HSF2: variants seen among roughly 807,000 people sequenced by gnomAD.
The protein encoded by HSF2 is heat shock transcription factor 2, also known as heat shock factor protein 2.
Under a neutral mutation model 65.0 loss-of-function variants are expected in HSF2, and 21 were observed. That is an observed-to-expected ratio of 0.32 (90% CI 0.23 to 0.47). HSF2 has a LOEUF of 0.47. HSF2 is among the 20% of genes least tolerant of loss of function. The pLI is 1.00. For missense variants in HSF2, 499 were observed against 628.1 expected (o/e 0.79, Z 2.20); for synonymous variants, 225 against 219.1 (o/e 1.03, Z -0.24).
chr6:122,408,083 T>C (rs556675), intron 1 of HSF2, among the ~76,000 whole-genome samples: 106,555 of 151,804 alleles, frequency 0.7, 37,523 homozygotes, highest in South Asian at 0.77. Context: ...TCCCAAAGGC[T>C]CTAACTCCAA....
intron 1 of HSF2, among the ~76,000 whole-genome samples, chr6:122,407,208 T>C (rs1300921663): frequency 6.6e-6 from 1 of 152,212 alleles, no homozygotes; most frequent in African/African-American, 2.4e-5. Context: ...AGATCAACTG[T>C]GTCACATGCT....
intron 11 of HSF2, among the ~76,000 whole-genome samples, chr6:122,429,452 G>A (rs1300311075): frequency 6.6e-6 from 1 of 152,060 alleles, no homozygotes; most frequent in African/African-American, 2.4e-5. Context: ...AGATTTTAAT[G>A]TTTTCAAATA....
In HSF2 at chr6:122,417,747, T is replaced by C. The variant is rs1241906471; in HGVS notation, c.532-1421T>C. Reference sequence around the variant, plus strand: ...GAACTGAGATGTAGAATAAATTTAATTTAGCCAGTGATTGATGTTCTTATA... The same window carrying C: ...GAACTGAGATGTAGAATAAATTTAACTTAGCCAGTGATTGATGTTCTTATA... On this transcript the variant is annotated intron_variant, in intron 5 of 12. Coordinates refer to ENST00000368455, the MANE Select transcript of HSF2 (RefSeq NM_004506.4). Among the ~76,000 whole-genome samples the C allele has an allele frequency of 2.0e-5, 3 of 152,204 alleles. No individual in the cohort carries two copies. The East Asian group carries it at 5.8e-4, about 29-fold the overall frequency.
intron 1 of HSF2, among the ~76,000 whole-genome samples, chr6:122,402,196 C>T (rs1178739202): frequency 1.3e-5 from 2 of 152,324 alleles, no homozygotes; most frequent in East Asian, 3.9e-4. Flanking sequence ...CAGTCTTCCA[C>T]CAATAGAACT....
chr6:122,419,076 A>T, intron 5 of HSF2, 92 bp from the exon 6 acceptor site: 1 of 659,306 alleles, frequency 1.5e-6, no homozygotes, highest in Non-Finnish European at 2.7e-6. Flanking sequence ...TTAGAGGACA[A>T]ATTATTATAT....
chr6:122,399,615 G>A (rs939059574), upstream of HSF2: 11 of 752,332 alleles, frequency 1.5e-5, no homozygotes, highest in East Asian at 1.8e-4. Flanking sequence ...GGGTTGGGGG[G>A]GCGGGGACCA....
chr6:122,412,587 C>G (rs1023126658), intron 2 of HSF2, 50 bp from the exon 3 acceptor site: 1 of 1,595,308 alleles, frequency 6.3e-7, no homozygotes. Flanking sequence ...CAAGCACCAC[C>G]AAATTTTGAC....
intron 1 of HSF2, among the ~76,000 whole-genome samples, chr6:122,403,755 C>G (rs781030404): frequency 6.6e-6 from 1 of 152,004 alleles, no homozygotes; most frequent in African/African-American, 2.4e-5. Context: ...CTGTTCTTGG[C>G]TTTGGTAGTC....
chr6:122,429,285 G>C (rs1202161340), intron 11 of HSF2, among the ~76,000 whole-genome samples: 1 of 151,994 alleles, frequency 6.6e-6, no homozygotes, highest in Non-Finnish European at 1.5e-5. Flanking sequence ...ACTGGACATT[G>C]AGTCCTTATT....
At chr6:122,424,315 G>T (rs567533971) in intron 10 of HSF2, among the ~76,000 whole-genome samples, 1 of 151,672 alleles carries the variant, frequency 6.6e-6, no homozygotes, top group African/African-American at 2.4e-5. Context: ...AGCTTCCTAC[G>T]TGGTCTGGTC....
At chr6:122,411,150 A>C (rs1002546802) in intron 1 of HSF2, among the ~76,000 whole-genome samples, 1 of 151,618 alleles carries the variant, frequency 6.6e-6, no homozygotes, top group Non-Finnish European at 1.5e-5. Flanking sequence ...TAGCCATTCT[A>C]ATGGGTGTGC....
At chr6:122,430,864 T>TGACAGAAAAGAACTGACAGAGC (rs1339612445) in intron 11 of HSF2, among the ~76,000 whole-genome samples, 2 of 152,002 alleles carry the variant, frequency 1.3e-5, no homozygotes, top group African/African-American at 2.4e-5. Flanking sequence ...GCAATTTAAA[T>TGACAGAAAAGAACTGACAGAGC]GACAGAAAAG....
chr6:122,422,696 CCTT>C lies in HSF2; in HGVS notation c.831-18_831-16del. 1 of 1,609,920 alleles carries C rather than the reference CCTT, an allele frequency of 6.2e-7. No individual in the cohort carries two copies. Among genetic ancestry groups the C allele is most frequent in the Non-Finnish European group, 8.5e-7 (1 of 1,177,146 alleles). ...ATTAAATTTGAAAATGTAATAGGTT[CCTT>C]CTTTTATTGCTGATTTAGCTGTAGC... On this transcript the variant is annotated intron_variant, in intron 8 of 12. Transcript: ENST00000368455.
At chr6:122,426,602 G>T (rs45576039) in intron 10 of HSF2, among the ~76,000 whole-genome samples, 131 of 152,136 alleles carry the variant, frequency 8.6e-4, no homozygotes, top group African/African-American at 3.1e-3. Flanking sequence ...CTTTTCTGAG[G>T]TTAGTAGTTG....
At chr6:122,424,343 G>C (rs1206573303) in intron 10 of HSF2, among the ~76,000 whole-genome samples, 1 of 151,846 alleles carries the variant, frequency 6.6e-6, no homozygotes, top group Non-Finnish European at 1.5e-5. Context: ...GATGAATCTT[G>C]TTCTGTCTCC....
intron 10 of HSF2, among the ~76,000 whole-genome samples, chr6:122,425,475 T>C (rs998954319): frequency 6.6e-6 from 1 of 152,126 alleles, no homozygotes; most frequent in East Asian, 1.9e-4. Context: ...AAAGTTATTC[T>C]CTCTCGCCTA....
intron 1 of HSF2, among the ~76,000 whole-genome samples, chr6:122,400,722 A>T (rs1286679557): frequency 6.6e-6 from 1 of 152,204 alleles, no homozygotes; most frequent in Admixed American, 6.5e-5. Flanking sequence ...AGGCAGAATG[A>T]TTATTTACAT....
rs778497573 is a variant in HSF2, at chr6:122,422,696, C to T, written c.831-22C>T. 3 of 1,609,920 alleles carry T rather than the reference C, an allele frequency of 1.9e-6. No homozygotes were observed. The South Asian group carries it at 3.3e-5, about 18-fold the overall frequency. On this transcript the variant is annotated intron_variant, in intron 8 of 12. Coordinates refer to ENST00000368455, the MANE Select transcript of HSF2 (RefSeq NM_004506.4). ...ATTAAATTTGAAAATGTAATAGGTT[C>T]CTTCTTTTATTGCTGATTTAGCTGT... is the stretch of plus-strand genomic sequence containing the variant.
chr6:122,414,888 A>G (rs552032681), intron 4 of HSF2, among the ~76,000 whole-genome samples: 1 of 152,340 alleles, frequency 6.6e-6, no homozygotes, highest in East Asian at 1.9e-4. Context: ...AAGTGCTGGA[A>G]TTACAGGCAC....
Sources: gnomAD v4.1 joint callset for allele counts (sites outside exome capture counted in the v4.1 genomes callset) on GRCh38, gnomAD v4.1.1 for gene constraint, MANE v1.5 for transcripts, NCBI Gene and HGNC (gene_info 2026-07-23, HGNC 2026-07-21) for gene names.